CNTFR: variants seen among roughly 807,000 people sequenced by gnomAD.
The protein encoded by CNTFR is ciliary neurotrophic factor receptor.
Under a neutral mutation model 40.4 loss-of-function variants are expected in CNTFR, and 12 were observed. The ratio of observed to expected loss-of-function variants is 0.30; its 90% CI spans 0.19 to 0.48. The LOEUF is 0.48. Among genes scored for constraint, CNTFR ranks in the 20% least tolerant of loss-of-function variants. The pLI is 0.99. For synonymous variants in CNTFR, 202 were observed against 209.6 expected, an observed-to-expected ratio of 0.96 and a Z score of 0.31; for missense variants, 414 against 506.8, an observed-to-expected ratio of 0.82 and a Z score of 1.76.
chr9:34,560,761 ACTGT>A, intron 4 of CNTFR, among the ~76,000 whole-genome samples: 1 of 152,354 alleles, frequency 6.6e-6, no homozygotes, highest in Middle Eastern at 3.4e-3. Flanking sequence ...CACCCAAGTG[ACTGT>A]CAGCCTGTGG....
chr9:34,565,428 C>A (rs958725984), intron 3 of CNTFR, among the ~76,000 whole-genome samples: 1 of 152,108 alleles, frequency 6.6e-6, no homozygotes, highest in African/African-American at 2.4e-5. Flanking sequence ...TCCCAGCCTG[C>A]CACCCCACAA....
At chr9:34,590,568 G>T (rs749277459), upstream of CNTFR, among the ~76,000 whole-genome samples, 3 of 152,246 alleles carry the variant, frequency 2.0e-5, no homozygotes, top group East Asian at 5.8e-4. Context: ...TGCCTCCAGT[G>T]TCTCCGATGA....
intron 2 of CNTFR, among the ~76,000 whole-genome samples, chr9:34,579,139 G>A (rs975799591): frequency 6.6e-6 from 1 of 152,214 alleles, no homozygotes; most frequent in Admixed American, 6.5e-5. Flanking sequence ...CTCACACCAA[G>A]GGCCATACCC....
At chr9:34,590,675 C>T (rs1474343612), upstream of CNTFR, among the ~76,000 whole-genome samples, 1 of 152,218 alleles carries the variant, frequency 6.6e-6, no homozygotes, top group Non-Finnish European at 1.5e-5. Flanking sequence ...GGTGCACTCT[C>T]AATGCCGGGC....
Position 34,564,783 on chromosome 9 carries a change from T to A in CNTFR, c.135A>T (p.Pro45=), listed in dbSNP as rs758101924. The change falls in exon 4 of 10, where the codon CCA becomes CCT. Residue 45 remains proline, a synonymous_variant. Transcript: ENST00000378980. The part of the protein sequence containing the change: ...YERLGSDVTL[P]CGTANWDAAV... ...CAGCATCCCAGTTTGCTGTCCCACA[T>A]GGCAGTGTCACGTCAGAGCCCAGGC... The A allele has an allele frequency of 6.2e-7, 1 of 1,613,442 alleles. No homozygotes were observed. The highest frequency in any genetic ancestry group is 8.5e-7 in the Non-Finnish European group (1 of 1,179,878).
intron 2 of CNTFR, among the ~76,000 whole-genome samples, chr9:34,572,704 A>C (rs554173903): frequency 6.6e-6 from 1 of 152,260 alleles, no homozygotes; most frequent in Non-Finnish European, 1.5e-5. Flanking sequence ...TTACACAATG[A>C]TAACAACACC....
At position 34,557,996 on chromosome 9, in the gene CNTFR, G is replaced by T; in HGVS notation, c.320-12C>A. On this transcript the variant is annotated splice_polypyrimidine_tract_variant and intron_variant, in intron 4 of 9. Coordinates refer to ENST00000378980, the MANE Select transcript of CNTFR (RefSeq NM_147164.3). The surrounding 1 kb of genome is among the most constrained non-coding windows in gnomAD (Gnocchi z 4.2). ...CTCCCGCGGCGGCACTGGGGGTGAGGACAGTATGGTCAGGGCATTCTTGGA... is the reference window on the plus strand; with the variant it reads ...CTCCCGCGGCGGCACTGGGGGTGAGTACAGTATGGTCAGGGCATTCTTGGA... The T allele has an allele frequency of 6.6e-7, 1 of 1,523,646 alleles. No individual in the cohort carries two copies. The highest frequency in any genetic ancestry group is 1.3e-5 in the South Asian group (1 of 76,798). The allele number at this position is 1,523,646 out of a possible 1,614,324, so 94.4% of individuals were successfully genotyped here. A position where few individuals can be genotyped will look rare whatever the true frequency, so the allele number is the denominator to read the frequency against.
Position 34,552,589 on chromosome 9 carries a change from G to A in CNTFR, c.949+85C>T. 1.4e-6 allele frequency: 2 copies of A among 1,400,108 alleles called. No homozygotes were observed. The highest frequency in any genetic ancestry group is 2.4e-5 in the Admixed American group (1 of 42,508). 86.7% of individuals were successfully genotyped at this position (1,400,108 alleles called of 1,614,324 possible). A position where few individuals can be genotyped will look rare whatever the true frequency, so the allele number is the denominator to read the frequency against. On this transcript the variant is annotated intron_variant, in intron 8 of 9. Coordinates refer to ENST00000378980, the MANE Select transcript of CNTFR (RefSeq NM_147164.3). The surrounding 1 kb of genome is among the most constrained non-coding windows in gnomAD (Gnocchi z 5.1). ...GCTACCCCCGGGAGCAGAGGCTGGA[G>A]GCAGCAGGGTAGAACCAGGCCACAG...
intron 4 of CNTFR, among the ~76,000 whole-genome samples, chr9:34,560,362 G>A (rs758649869): frequency 1.3e-5 from 2 of 152,184 alleles, no homozygotes; most frequent in Non-Finnish European, 1.5e-5. Context: ...TAGGATGGGA[G>A]GCTGTGTGGG....
intron 1 of CNTFR, among the ~76,000 whole-genome samples, chr9:34,586,144 C>A (rs868731971): frequency 9.2e-5 from 14 of 152,182 alleles, no homozygotes; most frequent in African/African-American, 3.4e-4. Context: ...CAGCAGAGCA[C>A]GCAAAGTCCA....
At chr9:34,561,277 A>C (rs981034837) in intron 4 of CNTFR, among the ~76,000 whole-genome samples, 1 of 152,202 alleles carries the variant, frequency 6.6e-6, no homozygotes, top group Non-Finnish European at 1.5e-5. Context: ...CAGGGAAAGC[A>C]GTGCTGAACC....
Position 34,589,672 on chromosome 9 carries a change from G to C in CNTFR, c.-229C>G, listed in dbSNP as rs1398993585. 6.4e-6 allele frequency: 1 copy of C among 156,150 alleles called. No homozygotes were observed. The highest frequency in any genetic ancestry group is 6.6e-5 in the Admixed American group (1 of 15,150). The allele number at this position is 156,150 out of a possible 1,614,324, so 9.7% of individuals were successfully genotyped here. On this transcript the variant is annotated 5_prime_UTR_variant, in exon 1 of 10. Transcript: ENST00000378980. The surrounding 1 kb of genome is among the most constrained non-coding windows in gnomAD (Gnocchi z 4.4). ...GGATCCCACCGCCGAGCCTCGCGCC[G>C]CGCCGGCTGGAGCCGCCGCCTCCGC... is the stretch of plus-strand genomic sequence containing the variant.
intron 2 of CNTFR, among the ~76,000 whole-genome samples, chr9:34,578,287 G>T (rs1222647870): frequency 6.6e-6 from 1 of 152,244 alleles, no homozygotes; most frequent in Non-Finnish European, 1.5e-5. Flanking sequence ...AAGCGAGCAA[G>T]CGAGCTAGCG....
At chr9:34,573,074 C>A (rs768799518) in intron 2 of CNTFR, among the ~76,000 whole-genome samples, 1 of 152,190 alleles carries the variant, frequency 6.6e-6, no homozygotes, top group Admixed American at 6.5e-5. Context: ...TCAGGAACCC[C>A]TGTTACCCAG....
chr9:34,552,945 G>C lies in CNTFR; in HGVS notation c.769-91C>G. ...GAGGAAGTGAGCATGCCTCTGAGGA[G>C]AGGAGAGTAAAGGGCTCTGGGGGCA... On this transcript the variant is annotated intron_variant, in intron 7 of 9. Transcript: ENST00000378980. This position sits in a 1 kb window ranked among gnomAD's most constrained non-coding sequence, Gnocchi z 5.1. The C allele has an allele frequency of 1.5e-6, 2 of 1,323,878 alleles. No homozygotes were observed. The highest frequency in any genetic ancestry group is 2.1e-6 in the Non-Finnish European group (2 of 953,062). 82.0% of individuals were successfully genotyped at this position (1,323,878 alleles called of 1,614,324 possible). A position where few individuals can be genotyped will look rare whatever the true frequency, so the allele number is the denominator to read the frequency against.
intron 2 of CNTFR, among the ~76,000 whole-genome samples, chr9:34,574,461 T>C (rs532966431): frequency 1.3e-5 from 2 of 152,268 alleles, no homozygotes; most frequent in South Asian, 2.1e-4. Flanking sequence ...TGGGCTACCA[T>C]GTCCCCACCC....
At chr9:34,553,211 G>A (rs1825707383) in intron 7 of CNTFR, among the ~76,000 whole-genome samples, 1 of 152,150 alleles carries the variant, frequency 6.6e-6, no homozygotes, top group Non-Finnish European at 1.5e-5. Context: ...CACAGTCCCA[G>A]CCTGGAGGTG....
chr9:34,584,200 A>G (rs1200007001), intron 1 of CNTFR, among the ~76,000 whole-genome samples: 1 of 152,212 alleles, frequency 6.6e-6, no homozygotes. Context: ...TTGTATCTCC[A>G]GACTCTCTTA....
At chr9:34,570,876 G>A (rs1398150308) in intron 2 of CNTFR, among the ~76,000 whole-genome samples, 2 of 152,136 alleles carry the variant, frequency 1.3e-5, no homozygotes. Flanking sequence ...GGCTTCCTGT[G>A]GGAGAGGGCT....
Sources: allele counts gnomAD v4.1 joint callset (sites outside exome capture counted in the v4.1 genomes callset), GRCh38; gene constraint gnomAD v4.1.1; non-coding constraint Gnocchi (gnomAD v3.1); transcripts MANE v1.5; gene names NCBI Gene and HGNC (gene_info 2026-07-23, HGNC 2026-07-21).